Variants in KALRN observed in about 807,000 individuals in gnomAD.
KALRN encodes kalirin.
KALRN carries 70 observed loss-of-function variants against 353.7 expected under a neutral mutation model. The ratio of observed to expected loss-of-function variants is 0.20; its 90% CI spans 0.16 to 0.24. The LOEUF is 0.24. KALRN is among the 10% of genes least tolerant of loss of function. The probability of loss-of-function intolerance (pLI) is 1.00; values close to 1 mark genes in which losing one functional copy is unlikely to be tolerated. For missense variants in KALRN, 2,791 were observed against 3,756.7 expected, an observed-to-expected ratio of 0.74 and a Z score of 6.72; for synonymous variants, 1,391 against 1,434.8, an observed-to-expected ratio of 0.97 and a Z score of 0.69.
At chr3:124,515,741 A>G (rs1317020059) in intron 33 of KALRN, among the ~76,000 whole-genome samples, 2 of 152,216 alleles carry the variant, frequency 1.3e-5, no homozygotes, top group Non-Finnish European at 2.9e-5. Flanking sequence ...TCTTTTTCAC[A>G]CTTCCACTTA....
chr3:124,643,372 C>T (rs1360413882), intron 37 of KALRN, among the ~76,000 whole-genome samples: 1 of 152,058 alleles, frequency 6.6e-6, no homozygotes, highest in African/African-American at 2.4e-5. Flanking sequence ...CCTGGAAAAT[C>T]CAGACTTAAG....
chr3:124,217,474 G>C (rs1041314453), intron 1 of KALRN, among the ~76,000 whole-genome samples: 3 of 152,130 alleles, frequency 2.0e-5, no homozygotes, highest in Non-Finnish European at 4.4e-5. Flanking sequence ...GTGTGTGTGT[G>C]CGTGTATGGG....
chr3:124,541,264 A>G (rs1002942042), intron 33 of KALRN, among the ~76,000 whole-genome samples: 2 of 152,004 alleles, frequency 1.3e-5, no homozygotes, highest in Non-Finnish European at 2.9e-5. Flanking sequence ...AGCCTGGCCA[A>G]CGTGGTGAAA....
intron 8 of KALRN, among the ~76,000 whole-genome samples, chr3:124,332,768 A>G (rs747464386): frequency 6.6e-6 from 1 of 152,132 alleles, no homozygotes; most frequent in Non-Finnish European, 1.5e-5. Context: ...CATGTTCTAG[A>G]AAAATGAGGA....
At chr3:124,312,984 C>A (rs1488037707) in intron 6 of KALRN, among the ~76,000 whole-genome samples, 2 of 152,154 alleles carry the variant, frequency 1.3e-5, no homozygotes, top group African/African-American at 2.4e-5. Flanking sequence ...TGTCACCAAC[C>A]CTGAACACTA....
intron 1 of KALRN, among the ~76,000 whole-genome samples, chr3:124,055,648 G>A (rs1577626771): frequency 6.6e-6 from 1 of 152,146 alleles, no homozygotes; most frequent in Non-Finnish European, 1.5e-5. Flanking sequence ...TCCAGTGGAG[G>A]TCCTCTCTGA....
At chr3:124,667,232 G>C (rs375140500) in intron 47 of KALRN, 49 bp downstream of exon 47, 2 of 1,539,640 alleles carry the variant, frequency 1.3e-6, no homozygotes, top group Non-Finnish European at 1.8e-6. Flanking sequence ...GGGACTCCAC[G>C]ACCTCTGAGC....
intron 1 of KALRN, among the ~76,000 whole-genome samples, chr3:124,213,902 G>T (rs1417646229): frequency 6.6e-6 from 1 of 152,104 alleles, no homozygotes; most frequent in Non-Finnish European, 1.5e-5. Context: ...TTTAAATAAG[G>T]TTGCTCTTAA....
chr3:124,275,523 A>G (rs921030854), intron 5 of KALRN, among the ~76,000 whole-genome samples: 4 of 152,334 alleles, frequency 2.6e-5, no homozygotes, highest in South Asian at 2.1e-4. Context: ...TAAAAAAAAG[A>G]CAAACTTCTT....
At chr3:124,284,107 G>A (rs1409712419) in intron 5 of KALRN, among the ~76,000 whole-genome samples, 1 of 152,224 alleles carries the variant, frequency 6.6e-6, no homozygotes, top group Non-Finnish European at 1.5e-5. Context: ...CCATCAGTTG[G>A]TGAGAAGTCT....
intron 4 of KALRN, among the ~76,000 whole-genome samples, chr3:124,266,375 GT>G (rs2073550077): frequency 6.6e-6 from 1 of 152,148 alleles, no homozygotes; most frequent in South Asian, 2.1e-4. Context: ...TACTTCATAT[GT>G]TTTTATTTTT....
At chr3:124,330,246 T>TCTCACACACACACA (rs1421313474) in intron 8 of KALRN, among the ~76,000 whole-genome samples, 44 of 134,308 alleles carry the variant, frequency 3.3e-4, no homozygotes, top group Non-Finnish European at 6.2e-4. Context: ...TCTCTCTCTC[T>TCTCACACACACACA]CACACACACA....
intron 51 of KALRN, among the ~76,000 whole-genome samples, chr3:124,683,971 A>G (rs1559844602): frequency 6.6e-6 from 1 of 152,242 alleles, no homozygotes; most frequent in Non-Finnish European, 1.5e-5. Flanking sequence ...AATATACATA[A>G]CAAAAATTTA....
intron 1 of KALRN, chr3:124,152,593 C>CTT (rs58613752): frequency 4.8e-4 from 27 of 56,604 alleles, no homozygotes; most frequent in African/African-American, 1.1e-3. Context: ...TTCTTTCTTT[C>CTT]TTTTTTTTTT....
intron 48 of KALRN, among the ~76,000 whole-genome samples, chr3:124,673,449 GAATATATATGTATATCCTGTATGTATATA>G: frequency 4.1e-5 from 6 of 147,512 alleles, no homozygotes; most frequent in African/African-American, 1.5e-4. Flanking sequence ...TATACATATA[GAATATATATGTATATCCTGTATGTATATA>G]CATATAGAAT....
chr3:124,472,284 C>G (rs2060995601), intron 25 of KALRN, among the ~76,000 whole-genome samples: 1 of 152,178 alleles, frequency 6.6e-6, no homozygotes, highest in African/African-American at 2.4e-5. Flanking sequence ...AATGGCTCTC[C>G]CTGAGTCATC....
chr3:124,674,651 G>A, intron 49 of KALRN, 37 bp downstream of exon 49: 1 of 1,508,016 alleles, frequency 6.6e-7, no homozygotes, highest in African/African-American at 1.4e-5. Context: ...AGAGGAGTAT[G>A]AGGATTAAAA....
chr3:124,318,869 A>G (rs1004598034), intron 6 of KALRN, among the ~76,000 whole-genome samples: 5 of 152,158 alleles, frequency 3.3e-5, no homozygotes, highest in African/African-American at 1.2e-4. Context: ...GTGTCGCTTG[A>G]CTGATATCAC....
chr3:124,666,051 C>A (rs1439117023), intron 45 of KALRN, among the ~76,000 whole-genome samples: 3 of 152,134 alleles, frequency 2.0e-5, no homozygotes, highest in African/African-American at 7.2e-5. Context: ...CAGGCAGGCA[C>A]CGTTCTCAGA....
Sources: gnomAD v4.1 joint callset for allele counts (sites outside exome capture counted in the v4.1 genomes callset) on GRCh38, gnomAD v4.1.1 for gene constraint, MANE v1.5 for transcripts, NCBI Gene and HGNC (gene_info 2026-07-23, HGNC 2026-07-21) for gene names.